The following GRID1 variants were observed in gnomAD, a reference collection of about 807,000 sequenced individuals.
The protein encoded by GRID1 is glutamate ionotropic receptor delta type subunit 1.
Under a neutral mutation model 98.0 loss-of-function variants are expected in GRID1, and 28 were observed. The ratio of observed to expected loss-of-function variants is 0.29; its 90% confidence interval spans 0.21 to 0.39. GRID1 has a LOEUF of 0.39. Ranked by LOEUF, GRID1 falls within the 10% of genes least tolerant of loss-of-function variation. GRID1 has a pLI of 1.00. For missense variants in GRID1, 1,111 were observed against 1,340.5 expected (o/e 0.83, Z 2.67); for synonymous variants, 553 against 538.5 (o/e 1.03, Z -0.37).
At chr10:86,247,541 C>A (rs1320638855) in intron 2 of GRID1, among the ~76,000 whole-genome samples, 2 of 152,050 alleles carry the variant, frequency 1.3e-5, no homozygotes, top group Non-Finnish European at 2.9e-5. Context: ...CCAAACCAGC[C>A]CCATAACGGT....
In GRID1 at chr10:86,219,826, C is replaced by T. The variant is rs116518520; in HGVS notation, c.236-13178G>A. On this transcript the variant is annotated intron_variant, in intron 2 of 15. Transcript: ENST00000327946. ...ATGAGGAAGAGGCAAAGTGACACTA[C>T]GGAAGCTGAAGGCATCTCTCACAAA... 5.1e-3 allele frequency among the ~76,000 whole-genome samples: 782 copies of T among 152,350 alleles called. 11 individuals are homozygous for T. Among genetic ancestry groups the T allele is most frequent in the African/African-American group, 0.018 (747 of 41,580 alleles).
chr10:86,287,358 C>G (rs1414414104), intron 2 of GRID1, among the ~76,000 whole-genome samples: 1 of 152,142 alleles, frequency 6.6e-6, no homozygotes, highest in East Asian at 1.9e-4. Context: ...AAGAGATAAT[C>G]AGGGGAGAGC....
In GRID1 at chr10:85,939,244, TA is replaced by T. The variant is rs201403924; in HGVS notation, c.727-23006del. ...CACCTCTCCCTACCCAAGTAGGTCT[TA>T]CTGGGCCCCATGATCCAACAGAGAT... On this transcript the variant is annotated intron_variant, in intron 4 of 15. Transcript: ENST00000327946. Among the ~76,000 whole-genome samples the T allele has an allele frequency of 6.3e-4, 96 of 152,338 alleles. No individual in the cohort carries two copies. In the East Asian group the frequency reaches 0.016, roughly 26 times the overall value.
At chr10:86,173,172 G>C (rs956928512) in intron 3 of GRID1, among the ~76,000 whole-genome samples, 1 of 152,142 alleles carries the variant, frequency 6.6e-6, no homozygotes, top group Non-Finnish European at 1.5e-5. Context: ...CAAGTAGCTG[G>C]GACTACAGGT....
At chr10:86,044,955 A>T (rs1843401262) in intron 4 of GRID1, among the ~76,000 whole-genome samples, 1 of 152,194 alleles carries the variant, frequency 6.6e-6, no homozygotes. Flanking sequence ...CTCATTGCAT[A>T]TTCATTCCTC....
chr10:85,978,736 A>C (rs78654426), intron 4 of GRID1, among the ~76,000 whole-genome samples: 4,124 of 152,250 alleles, frequency 0.027, 123 homozygotes, highest in East Asian at 0.13. Flanking sequence ...AAAATGCCCC[A>C]GTGAGGAAGG....
intron 8 of GRID1, among the ~76,000 whole-genome samples, chr10:85,783,787 G>A (rs1489542304): frequency 6.6e-6 from 1 of 152,100 alleles, no homozygotes; most frequent in Admixed American, 6.5e-5. Context: ...GGCCAGAATT[G>A]TTTTACTCCA....
chr10:86,095,332 A>C (rs1456535829), intron 4 of GRID1, among the ~76,000 whole-genome samples: 1 of 152,246 alleles, frequency 6.6e-6, no homozygotes, highest in Non-Finnish European at 1.5e-5. Context: ...AAGCAAATGC[A>C]ATAAAAACAA....
At position 86,171,926 on chromosome 10, in the gene GRID1, G is replaced by A. The variant is rs140805713; in HGVS notation, c.521-32902C>T. Among the ~76,000 whole-genome samples the A allele has an allele frequency of 1.3e-3, 194 of 151,810 alleles. 1 individual carries two copies. Among genetic ancestry groups the A allele is most frequent in the East Asian group, 5.7e-3 (29 of 5,108 alleles). ...CCCTACGCGGCATGCCAGGAAATACGTTACACACAGTTTTTCATTTAATCC... is the reference window on the plus strand; with the variant it reads ...CCCTACGCGGCATGCCAGGAAATACATTACACACAGTTTTTCATTTAATCC... On this transcript the variant is annotated intron_variant, in intron 3 of 15. Coordinates refer to ENST00000327946, the MANE Select transcript of GRID1 (RefSeq NM_017551.3).
chr10:86,146,594 C>G (rs995909613), intron 3 of GRID1, among the ~76,000 whole-genome samples: 2 of 152,236 alleles, frequency 1.3e-5, no homozygotes, highest in African/African-American at 4.8e-5. Flanking sequence ...CCTCCCCACA[C>G]CTCACACCTC....
At chr10:86,329,485 C>T (rs1038325498) in intron 2 of GRID1, among the ~76,000 whole-genome samples, 1 of 152,224 alleles carries the variant, frequency 6.6e-6, no homozygotes, top group African/African-American at 2.4e-5. Flanking sequence ...CTGAGAAGGG[C>T]TTTGGCAAGG....
chr10:86,287,260 CT>C (rs1847445093), intron 2 of GRID1, among the ~76,000 whole-genome samples: 1 of 152,184 alleles, frequency 6.6e-6, no homozygotes, highest in Non-Finnish European at 1.5e-5. Flanking sequence ...AAATTCCCCC[CT>C]GTATCCCTGA....
intron 12 of GRID1, among the ~76,000 whole-genome samples, chr10:85,694,592 AT>A (rs1841372327): frequency 1.4e-4 from 15 of 108,278 alleles, no homozygotes; most frequent in East Asian, 6.0e-4. Context: ...ATATATATAT[AT>A]ATATATATAA....
At chr10:85,843,440 G>A (rs1842978740) in intron 8 of GRID1, among the ~76,000 whole-genome samples, 1 of 151,960 alleles carries the variant, frequency 6.6e-6, no homozygotes, top group Admixed American at 6.6e-5. Flanking sequence ...GATACACTTA[G>A]CCTCATTAAA....
chr10:86,248,817 C>A (rs1846775210), intron 2 of GRID1, among the ~76,000 whole-genome samples: 1 of 152,314 alleles, frequency 6.6e-6, no homozygotes, highest in East Asian at 1.9e-4. Flanking sequence ...CAGTGATCCA[C>A]CTGCCTTGGC....
rs568560168 is a variant in GRID1 at position 85,795,305 on chromosome 10, G to A, written c.1233+59191C>T. 9.2e-5 allele frequency among the ~76,000 whole-genome samples: 14 copies of A among 152,174 alleles called. No individual in the cohort carries two copies. The East Asian group carries it at 2.5e-3, about 27-fold the overall frequency. On this transcript the variant is annotated intron_variant, in intron 8 of 15. Coordinates refer to ENST00000327946, the MANE Select transcript of GRID1 (RefSeq NM_017551.3). The stretch of plus-strand genomic sequence containing the variant: ...CTACTGTGTGCTTCCTGTTCCTGGG[G>A]CAGCCAGACCATTTTCTGCATCTCC...
intron 2 of GRID1, among the ~76,000 whole-genome samples, chr10:86,267,044 A>G (rs10887570): frequency 0.23 from 34,297 of 152,168 alleles, 4,385 homozygotes; most frequent in African/African-American, 0.35. Flanking sequence ...GCACAGGGCC[A>G]CGTCAGCATC....
At chr10:86,248,411 CA>C (rs1846765924) in intron 2 of GRID1, among the ~76,000 whole-genome samples, 5 of 152,146 alleles carry the variant, frequency 3.3e-5, no homozygotes, top group Admixed American at 2.6e-4. Context: ...GTGGTTAAAA[CA>C]ATAATATATT....
intron 4 of GRID1, among the ~76,000 whole-genome samples, chr10:85,934,963 A>T (rs1364171552): frequency 6.6e-6 from 1 of 152,250 alleles, no homozygotes; most frequent in Non-Finnish European, 1.5e-5. Context: ...ATAAAGATAA[A>T]TTCTAAAGAA....
Sources: allele counts gnomAD v4.1 joint callset (sites outside exome capture counted in the v4.1 genomes callset), GRCh38; gene constraint gnomAD v4.1.1; transcripts MANE v1.5; gene names NCBI Gene and HGNC (gene_info 2026-07-23, HGNC 2026-07-21).